RSRP1: variants seen among roughly 807,000 people sequenced by gnomAD.
RSRP1 encodes the protein arginine/serine-rich protein 1.
In RSRP1, 37 loss-of-function variants were observed where a neutral mutation model predicts 33.0. The observed-to-expected ratio is 1.12, with a 90% CI of 0.86 to 1.48. The LOEUF is 1.48. RSRP1 is among the 40% of genes most tolerant of loss of function. The pLI is 0.00. For synonymous variants in RSRP1, 167 were observed against 158.7 expected (o/e 1.05, Z -0.40); for missense variants, 402 against 385.3 (o/e 1.04, Z -0.36).
At chr1:25,310,737 C>CAA (rs1265732985) in intron 1 of RSRP1, among the ~76,000 whole-genome samples, 2 of 132,232 alleles carry the variant, frequency 1.5e-5, no homozygotes, top group African/African-American at 5.1e-5. Context: ...TTTGGGAGGC[C>CAA]AAAGCAGGTG....
chr1:25,314,764 A>T (rs1168407217), intron 1 of RSRP1, among the ~76,000 whole-genome samples: 1 of 131,622 alleles, frequency 7.6e-6, no homozygotes, highest in Non-Finnish European at 1.8e-5. Context: ...TTGGCCTCCC[A>T]AAGTGCCAGG....
intron 1 of RSRP1, among the ~76,000 whole-genome samples, chr1:25,276,625 G>T (rs1272384001): frequency 1.6e-5 from 2 of 127,992 alleles, no homozygotes; most frequent in African/African-American, 5.4e-5. Flanking sequence ...GAGGTGAGAG[G>T]CTTGCTTGAG....
chr1:25,303,638 C>G lies in RSRP1; in HGVS notation c.-67+34340G>C, dbSNP rs371490489. On this transcript the variant is annotated intron_variant, in intron 1 of 1. Coordinates refer to the RSRP1 transcript ENST00000561867. ...TCGGTGGCGCATTTGTTAAGATGCT[C>G]GGGAGCAGGTGGCAGAACCCATTTG... Among the ~76,000 whole-genome samples, 314 of 130,594 alleles carry G rather than the reference C, an allele frequency of 2.4e-3. 52 individuals are homozygous for G. Among genetic ancestry groups the G allele is most frequent in the African/African-American group, 6.5e-3 (247 of 37,980 alleles). 85.7% of individuals were successfully genotyped at this position (130,594 alleles called of 152,430 possible).
At chr1:25,244,247 T>C (rs922115998) in intron 3 of RSRP1, 3 of 1,289,128 alleles carry the variant, frequency 2.3e-6, no homozygotes, top group African/African-American at 1.5e-5. Context: ...GCATATATTA[T>C]GAAAGGGACA....
chr1:25,249,316 CCT>C, upstream of RSRP1, among the ~76,000 whole-genome samples: 1 of 152,018 alleles, frequency 6.6e-6, no homozygotes, highest in Non-Finnish European at 1.5e-5. Context: ...TCAATGTGTG[CCT>C]AAAAAATGGT....
At chr1:25,286,449 A>C (rs1374003433) in intron 1 of RSRP1, among the ~76,000 whole-genome samples, 2 of 134,888 alleles carry the variant, frequency 1.5e-5, no homozygotes, top group African/African-American at 5.1e-5. Context: ...TGATCGTGCC[A>C]CTTCACTCCA....
chr1:25,271,743 C>G (rs1203355841), intron 1 of RSRP1, among the ~76,000 whole-genome samples: 1 of 131,750 alleles, frequency 7.6e-6, no homozygotes, highest in Admixed American at 7.4e-5. Context: ...GATGGGGATG[C>G]TGAGGCTGGT....
At chr1:25,321,674 T>TAAATAAAATAAAATA (rs56928540) in intron 1 of RSRP1, among the ~76,000 whole-genome samples, 17,550 of 91,172 alleles carry the variant, frequency 0.19, 3,790 homozygotes, top group African/African-American at 0.28. Flanking sequence ...TGTCTCAAAA[T>TAAATAAAATAAAATA]AAATAAAATA....
At chr1:25,249,042 G>A (rs969572297), upstream of RSRP1, among the ~76,000 whole-genome samples, 35 of 152,076 alleles carry the variant, frequency 2.3e-4, no homozygotes, top group Admixed American at 1.3e-3. Flanking sequence ...CCAGCTACTC[G>A]GGAGGCTGAG....
At chr1:25,256,670 G>T (rs541699412) in intron 1 of RSRP1, among the ~76,000 whole-genome samples, 22 of 152,098 alleles carry the variant, frequency 1.4e-4, no homozygotes, top group African/African-American at 4.6e-4. Context: ...TCACCATATT[G>T]CCCAGGCTAA....
chr1:25,242,766 A>C (rs539831298), intron 4 of RSRP1, 61 bp from the exon 5 acceptor site: 1 of 1,170,204 alleles, frequency 8.5e-7, no homozygotes, highest in Non-Finnish European at 1.2e-6. Flanking sequence ...TTTCACAAAA[A>C]AAAGTACATT....
At chr1:25,276,535 A>AAAAAAAAAAAAAAAAAAAC (rs1641005989) in intron 1 of RSRP1, among the ~76,000 whole-genome samples, 1 of 15,842 alleles carries the variant, frequency 6.3e-5, no homozygotes, top group African/African-American at 6.7e-5. Flanking sequence ...CCATCTCTAA[A>AAAAAAAAAAAAAAAAAAAC]AAAAAAAAAA....
upstream of RSRP1, among the ~76,000 whole-genome samples, chr1:25,250,739 G>A (rs1318907261): frequency 1.3e-5 from 2 of 152,134 alleles, no homozygotes; most frequent in Non-Finnish European, 2.9e-5. Flanking sequence ...GGCCAGGCGC[G>A]GTGGCTCACG....
At chr1:25,251,869 A>G (rs1237300988), upstream of RSRP1, among the ~76,000 whole-genome samples, 2 of 151,700 alleles carry the variant, frequency 1.3e-5, no homozygotes, top group Non-Finnish European at 2.9e-5. Context: ...TCTTCAAGAC[A>G]TGTCAAATAT....
At chr1:25,244,645 T>C (rs987701002) in intron 3 of RSRP1, 3 of 1,237,060 alleles carry the variant, frequency 2.4e-6, no homozygotes, top group Non-Finnish European at 3.1e-6. Context: ...TACCAGCTAA[T>C]AACGGTGTTA....
intron 1 of RSRP1, among the ~76,000 whole-genome samples, chr1:25,259,204 C>T (rs1640048038): frequency 6.6e-6 from 1 of 152,100 alleles, no homozygotes; most frequent in Admixed American, 6.5e-5. Context: ...AGCGAATCTC[C>T]TGCCTCAGCC....
chr1:25,259,092 CTTT>C (rs952807041), intron 1 of RSRP1, among the ~76,000 whole-genome samples: 2 of 149,042 alleles, frequency 1.3e-5, no homozygotes, highest in Non-Finnish European at 3.0e-5. Context: ...TTATTATTCC[CTTT>C]TTTTTTTCTT....
intron 1 of RSRP1, among the ~76,000 whole-genome samples, chr1:25,277,914 T>G (rs1157196937): frequency 1.5e-5 from 2 of 133,268 alleles, no homozygotes; most frequent in Admixed American, 1.5e-4. Flanking sequence ...CCTCAGGTGA[T>G]GCACCCGCCT....
At chr1:25,282,563 T>C (rs1641583465) in intron 1 of RSRP1, among the ~76,000 whole-genome samples, 1 of 132,054 alleles carries the variant, frequency 7.6e-6, no homozygotes, top group Non-Finnish European at 1.8e-5. Context: ...TAATAGGAAA[T>C]GATAGAGCTG....
Sources: allele counts gnomAD v4.1 joint callset (sites outside exome capture counted in the v4.1 genomes callset), GRCh38; gene constraint gnomAD v4.1.1; transcripts MANE v1.5; gene names NCBI Gene and HGNC (gene_info 2026-07-23, HGNC 2026-07-21).